Variants in GADL1 observed in about 807,000 individuals in gnomAD.
GADL1 encodes GAD like acidic amino acid decarboxylase 1.
A neutral mutation model predicts 69.5 loss-of-function variants in GADL1; 71 were observed. The observed-to-expected ratio is 1.02, with a 90% CI of 0.84 to 1.25. GADL1 has a LOEUF of 1.25. Among genes scored for constraint, GADL1 ranks in the 50% most tolerant of loss-of-function variants. The pLI, the probability that GADL1 is intolerant of heterozygous loss-of-function variation, is 0.00. For missense variants in GADL1, 737 were observed against 631.8 expected, an observed-to-expected ratio of 1.17 and a Z score of -1.79; for synonymous variants, 254 against 214.4, an observed-to-expected ratio of 1.18 and a Z score of -1.62.
intron 14 of GADL1, among the ~76,000 whole-genome samples, chr3:30,729,147 AG>A (rs1695415565): frequency 2.0e-5 from 3 of 152,200 alleles, no homozygotes; most frequent in African/African-American, 7.2e-5. Context: ...CTGATAATCC[AG>A]ATACACAGAT....
intron 11 of GADL1, among the ~76,000 whole-genome samples, chr3:30,819,466 A>G (rs190516779): frequency 6.6e-6 from 1 of 152,266 alleles, no homozygotes; most frequent in African/African-American, 2.4e-5. Flanking sequence ...AATCACTTTC[A>G]TAAATCAGCC....
rs562134572 is a variant in GADL1, at chr3:30,863,202, A to T, written c.38-1437T>A. Among the ~76,000 whole-genome samples the T allele has an allele frequency of 2.8e-3, 429 of 152,146 alleles. 2 individuals are homozygous for T. Among genetic ancestry groups the T allele is most frequent in the Non-Finnish European group, 5.1e-3 (344 of 67,956 alleles). On this transcript the variant is annotated intron_variant, in intron 1 of 14. Coordinates refer to ENST00000282538, the MANE Select transcript of GADL1 (RefSeq NM_207359.3). ...AATTGTATGTTTTAATTCTATGTTTAAATGTTCCTCTATATTACAGATACT... is the reference window on the plus strand; with the variant it reads ...AATTGTATGTTTTAATTCTATGTTTTAATGTTCCTCTATATTACAGATACT...
chr3:30,728,293 C>G lies in GADL1; in HGVS notation c.1515G>C (p.Glu505Asp). 1 of 1,613,896 alleles carries G rather than the reference C, an allele frequency of 6.2e-7. No homozygotes were observed. The highest frequency in any genetic ancestry group is 8.5e-7 in the Non-Finnish European group (1 of 1,179,834). The change falls in exon 15 of 15, where the codon GAG (glutamate) becomes GAC (aspartate). Residue 505 changes from glutamate to aspartate, a missense_variant. Physicochemically the swap from Glu to Asp is conservative, Grantham distance 45. Transcript: ENST00000282538. ...TCTCATCCAGGAGGAAGTCCATGTCCTCCCGGCTCACTTGAGGGCTGATCA... is the reference window on the plus strand; with the variant it reads ...TCTCATCCAGGAGGAAGTCCATGTCGTCCCGGCTCACTTGAGGGCTGATCA... ...QVVISPQVSR[E>D]DMDFLLDEID... is the part of the protein sequence containing the mutation.
chr3:30,827,510 C>CA (rs907212008), intron 11 of GADL1, among the ~76,000 whole-genome samples: 1 of 151,840 alleles, frequency 6.6e-6, no homozygotes, highest in Non-Finnish European at 1.5e-5. Flanking sequence ...GTAATACCAA[C>CA]AAATCCTAAA....
chr3:30,768,366 T>C (rs1696334505), intron 14 of GADL1, among the ~76,000 whole-genome samples: 1 of 152,140 alleles, frequency 6.6e-6, no homozygotes, highest in Non-Finnish European at 1.5e-5. Context: ...GGCAAGCCAT[T>C]TGAAGATTTT....
chr3:30,728,090 C>T lies in GADL1; in HGVS notation c.*152G>A. 1 of 625,702 alleles carries T rather than the reference C, an allele frequency of 1.6e-6. No individual in the cohort carries two copies. Among genetic ancestry groups the T allele is most frequent in the South Asian group, 2.2e-5 (1 of 44,902 alleles). 38.8% of individuals were successfully genotyped at this position (625,702 alleles called of 1,614,324 possible). A position where few individuals can be genotyped will look rare whatever the true frequency, so the allele number is the denominator to read the frequency against. ...AGGCAGCTAGAGAGTCCTTAATATT[C>T]ATTGCTTAGCATTTTGGTTTTGCTG... On this transcript the variant is annotated 3_prime_UTR_variant, in exon 15 of 15. Coordinates refer to ENST00000282538, the MANE Select transcript of GADL1 (RefSeq NM_207359.3).
intron 14 of GADL1, among the ~76,000 whole-genome samples, chr3:30,751,026 A>G (rs190361155): frequency 1.1e-4 from 16 of 150,290 alleles, no homozygotes; most frequent in African/African-American, 4.0e-4. Flanking sequence ...AATTAGGGTA[A>G]CCGGGGTTAA....
At chr3:30,884,596 C>T (rs2125546024) in intron 1 of GADL1, among the ~76,000 whole-genome samples, 1 of 152,174 alleles carries the variant, frequency 6.6e-6, no homozygotes, top group Non-Finnish European at 1.5e-5. Context: ...GTGCTGTTTC[C>T]ATTCTGAGCA....
intron 14 of GADL1, among the ~76,000 whole-genome samples, chr3:30,777,718 CTCTTT>C (rs752187457): frequency 2.0e-5 from 3 of 152,332 alleles, no homozygotes; most frequent in South Asian, 2.1e-4. Flanking sequence ...TGCTTAGCAT[CTCTTT>C]TCTTTTATGT....
At chr3:30,747,132 A>G (rs1331298914) in intron 14 of GADL1, among the ~76,000 whole-genome samples, 1 of 152,172 alleles carries the variant, frequency 6.6e-6, no homozygotes, top group Non-Finnish European at 1.5e-5. Context: ...GGCCTGGGGA[A>G]AGTGATTTGC....
intron 1 of GADL1, among the ~76,000 whole-genome samples, chr3:30,866,039 T>G (rs1320412093): frequency 6.6e-6 from 1 of 152,128 alleles, no homozygotes; most frequent in Non-Finnish European, 1.5e-5. Flanking sequence ...TTTTGAGAGA[T>G]AGCCTCTTCC....
chr3:30,834,129 G>A (rs1697834747), intron 10 of GADL1, 88 bp downstream of exon 10: 2 of 1,160,338 alleles, frequency 1.7e-6, no homozygotes, highest in Non-Finnish European at 2.5e-6. Flanking sequence ...CAATTACTTT[G>A]TTTTTTCCTA....
intron 2 of GADL1, 115 bp from the exon 3 acceptor site, chr3:30,857,256 T>G: frequency 1.2e-6 from 1 of 824,316 alleles, no homozygotes; most frequent in Non-Finnish European, 1.9e-6. Context: ...GATTTAAACA[T>G]GCAACTATAG....
At chr3:30,760,360 G>C (rs1467179832) in intron 14 of GADL1, among the ~76,000 whole-genome samples, 1 of 152,008 alleles carries the variant, frequency 6.6e-6, no homozygotes, top group Non-Finnish European at 1.5e-5. Flanking sequence ...TTAAGCTTTA[G>C]TCTCTTTTAA....
intron 12 of GADL1, among the ~76,000 whole-genome samples, chr3:30,793,632 C>G (rs1696968078): frequency 6.6e-6 from 1 of 152,170 alleles, no homozygotes; most frequent in Admixed American, 6.5e-5. Context: ...TTGATCTTGG[C>G]ATATGCATTA....
intron 9 of GADL1, among the ~76,000 whole-genome samples, chr3:30,837,349 A>C (rs1210491251): frequency 2.0e-5 from 3 of 152,140 alleles, no homozygotes; most frequent in Non-Finnish European, 4.4e-5. Context: ...AAGGATGGGT[A>C]AACATGTCTT....
rs141260825 is a variant in GADL1 at position 30,822,673 on chromosome 3, T to C, written c.1050+11180A>G. On this transcript the variant is annotated intron_variant, in intron 11 of 14. Coordinates refer to ENST00000282538, the MANE Select transcript of GADL1 (RefSeq NM_207359.3). ...TCTTAATTATGCTTGACTCTGACAG[T>C]GTGATCATATAATACTTTTAAAATA... Among the ~76,000 whole-genome samples, 634 of 152,156 alleles carry C rather than the reference T, an allele frequency of 4.2e-3. 4 individuals are homozygous for C. The highest frequency in any genetic ancestry group is 0.015 in the African/African-American group (615 of 41,534).
At chr3:30,800,758 C>A (rs1697141375) in intron 12 of GADL1, 131 bp downstream of exon 12, 5 of 721,390 alleles carry the variant, frequency 6.9e-6, no homozygotes, top group Non-Finnish European at 1.1e-5. Context: ...ACTTGCAACA[C>A]ATTTCAAGTA....
intron 11 of GADL1, among the ~76,000 whole-genome samples, chr3:30,807,303 T>C (rs1196056005): frequency 6.6e-6 from 1 of 152,202 alleles, no homozygotes; most frequent in Non-Finnish European, 1.5e-5. Flanking sequence ...CCCCACTGTT[T>C]ATGAAATGAA....
Sources: gnomAD v4.1 joint callset for allele counts (sites outside exome capture counted in the v4.1 genomes callset) on GRCh38, gnomAD v4.1.1 for gene constraint, MANE v1.5 for transcripts, NCBI Gene and HGNC (gene_info 2026-07-23, HGNC 2026-07-21) for gene names.